The following BAG3 variants were observed in gnomAD, a reference collection of about 807,000 sequenced individuals.
BAG3 encodes BAG family molecular chaperone regulator 3.
Under a neutral mutation model 40.5 loss-of-function variants are expected in BAG3, and 14 were observed. The observed-to-expected ratio is 0.35, with a 90% confidence interval of 0.23 to 0.54. The LOEUF is 0.54. Among genes scored for constraint, BAG3 ranks in the 20% least tolerant of loss-of-function variants. The pLI is 0.91. For synonymous variants in BAG3, 302 were observed against 307.8 expected (o/e 0.98, Z 0.20); for missense variants, 788 against 758.6 (o/e 1.04, Z -0.46).
In BAG3 at chr10:119,672,749, C is replaced by T. The variant is rs940637608; in HGVS notation, c.909+93C>T. On this transcript the variant is annotated intron_variant, in intron 3 of 3. Coordinates refer to ENST00000369085, the MANE Select transcript of BAG3 (RefSeq NM_004281.4). This position sits in a 1 kb window ranked among gnomAD's most constrained non-coding sequence, Gnocchi z 4.8. ...GGTGCCCTGGGTTCCCCCTTCATCC[C>T]TGCCTATTTAACATGCGTGTACCTA... 4 of 1,560,312 alleles carry T rather than the reference C, an allele frequency of 2.6e-6. No individual in the cohort carries two copies. The African/African-American group carries it at 4.0e-5, about 16-fold the overall frequency.
intron 1 of BAG3, among the ~76,000 whole-genome samples, chr10:119,652,852 GAGTGTGT>G (rs1846862804): frequency 6.6e-6 from 1 of 152,214 alleles, no homozygotes; most frequent in South Asian, 2.1e-4. Flanking sequence ...AATTTGGAAT[GAGTGTGT>G]TAATTTTCAA....
At chr10:119,656,224 A>G (rs567017913) in intron 1 of BAG3, among the ~76,000 whole-genome samples, 19 of 152,142 alleles carry the variant, frequency 1.2e-4, no homozygotes, top group African/African-American at 4.6e-4. Context: ...GCTTATTAGG[A>G]TCTTTGAGAC....
chr10:119,676,102 A>AT (rs950103817), intron 3 of BAG3, among the ~76,000 whole-genome samples: 18 of 150,180 alleles, frequency 1.2e-4, no homozygotes, highest in African/African-American at 3.9e-4. Context: ...ATTTTTAAAG[A>AT]TTTTTTGTAG....
rs1589630230 is a variant in BAG3, at chr10:119,672,457, A to G, written c.710A>G (p.Gln237Arg). Reference protein sequence around the residue: ...QAQKTHYPAQQGEYQTHQPVY... With the variant: ...QAQKTHYPAQRGEYQTHQPVY... ...CAGAAGACGCACTACCCAGCGCAGCAGGGGGAGTACCAGACCCACCAGCCT... is the reference window on the plus strand; with the variant it reads ...CAGAAGACGCACTACCCAGCGCAGCGGGGGGAGTACCAGACCCACCAGCCT... The change falls in exon 3 of 4, where the codon CAG (glutamine) becomes CGG (arginine). Residue 237 changes from glutamine to arginine, a missense_variant. By Grantham distance (43) the Gln-to-Arg change is conservative. Coordinates refer to ENST00000369085, the MANE Select transcript of BAG3 (RefSeq NM_004281.4). This position sits in a 1 kb window ranked among gnomAD's most constrained non-coding sequence, Gnocchi z 4.8. 2 of 1,614,076 alleles carry G rather than the reference A, an allele frequency of 1.2e-6. No homozygotes were observed. The highest frequency in any genetic ancestry group is 1.3e-5 in the African/African-American group (1 of 74,928).
In BAG3 at chr10:119,677,720, G is replaced by A; in HGVS notation, c.*438G>A. 1 of 211,914 alleles carries A rather than the reference G, an allele frequency of 4.7e-6. No individual in the cohort carries two copies. Among genetic ancestry groups the A allele is most frequent in the South Asian group, 8.4e-5 (1 of 11,836 alleles). The allele number at this position is 211,914 out of a possible 1,614,324, so 13.1% of individuals were successfully genotyped here. ...CATAATTAAAATACCTGACTTTAGA[G>A]AGAGTAAAATGTGCCAGGAGCCATA... On this transcript the variant is annotated 3_prime_UTR_variant, in exon 4 of 4. Transcript: ENST00000369085.
At chr10:119,671,257 G>A (rs761007531) in intron 2 of BAG3, among the ~76,000 whole-genome samples, 11 of 152,090 alleles carry the variant, frequency 7.2e-5, no homozygotes, top group Admixed American at 2.6e-4. Context: ...GCAGTGAGCC[G>A]AGATCGCACC....
intron 1 of BAG3, among the ~76,000 whole-genome samples, chr10:119,663,837 C>T (rs1257940248): frequency 6.6e-6 from 1 of 152,134 alleles, no homozygotes; most frequent in Non-Finnish European, 1.5e-5. Context: ...TTTCTCACTG[C>T]GGACCTTTAG....
Position 119,676,443 on chromosome 10 carries a change from A to C in BAG3, c.910-21A>C, listed in dbSNP as rs196294. 0.71 allele frequency: 1,140,927 copies of C among 1,611,232 alleles called. 407,109 individuals carry two copies. The highest frequency in any genetic ancestry group is 0.75 in the Middle Eastern group (4,569 of 6,058). On this transcript the variant is annotated intron_variant, in intron 3 of 3. Coordinates refer to ENST00000369085, the MANE Select transcript of BAG3 (RefSeq NM_004281.4). ...ACTTTCAGTCAGTTATTAAAAATAT[A>C]TTTTTGTGTCCTTTTTTCAGCAGCC... is the stretch of plus-strand genomic sequence containing the variant.
At chr10:119,667,842 C>G (rs1015036305) in intron 1 of BAG3, among the ~76,000 whole-genome samples, 1 of 152,188 alleles carries the variant, frequency 6.6e-6, no homozygotes, top group Non-Finnish European at 1.5e-5. Flanking sequence ...CCTGGGCAGC[C>G]AGCAAAAATG....
intron 3 of BAG3, among the ~76,000 whole-genome samples, chr10:119,676,171 G>C (rs1278602983): frequency 6.6e-6 from 1 of 151,190 alleles, no homozygotes; most frequent in East Asian, 2.0e-4. Context: ...AATTTTATTG[G>C]GTTTCTTTTC....
chr10:119,665,372 C>T (rs1341359330), intron 1 of BAG3, among the ~76,000 whole-genome samples: 2 of 151,662 alleles, frequency 1.3e-5, no homozygotes, highest in Non-Finnish European at 2.9e-5. Context: ...CATCTCCTGA[C>T]CTCGTGATCC....
Position 119,651,652 on chromosome 10 carries a change from C to T in BAG3, c.-24C>T. 1.3e-6 allele frequency: 2 copies of T among 1,527,438 alleles called. No homozygotes were observed. The highest frequency in any genetic ancestry group is 1.8e-6 in the Non-Finnish European group (2 of 1,136,046). 94.6% of individuals were successfully genotyped at this position (1,527,438 alleles called of 1,614,324 possible). A position where few individuals can be genotyped will look rare whatever the true frequency, so the allele number is the denominator to read the frequency against. ...GGAGCCAGCGCCCCGCACCCGCGCCCCAGCGGGCAGACCCCAACCCAGCAT... is the reference window on the plus strand; with the variant it reads ...GGAGCCAGCGCCCCGCACCCGCGCCTCAGCGGGCAGACCCCAACCCAGCAT... On this transcript the variant is annotated 5_prime_UTR_variant, in exon 1 of 4. Coordinates refer to ENST00000369085, the MANE Select transcript of BAG3 (RefSeq NM_004281.4).
At chr10:119,652,021 C>T (rs982823685) in intron 1 of BAG3, among the ~76,000 whole-genome samples, 166 bp downstream of exon 1, 2 of 151,926 alleles carry the variant, frequency 1.3e-5, no homozygotes, top group Non-Finnish European at 2.9e-5. Flanking sequence ...CCCGCTGCGC[C>T]CGGACGAGTC....
At chr10:119,657,271 C>G (rs751644375) in intron 1 of BAG3, among the ~76,000 whole-genome samples, 1 of 152,204 alleles carries the variant, frequency 6.6e-6, no homozygotes, top group Non-Finnish European at 1.5e-5. Context: ...TGAGACTGTT[C>G]TCCACAAAGC....
intron 3 of BAG3, among the ~76,000 whole-genome samples, chr10:119,675,230 A>C (rs1847202727): frequency 6.6e-6 from 1 of 152,042 alleles, no homozygotes; most frequent in Non-Finnish European, 1.5e-5. Context: ...CTAATCATGA[A>C]GCTAAGGTGA....
rs192502283 is a variant in BAG3, at chr10:119,651,392, G to C, written c.-284G>C. The C allele has an allele frequency of 0.012, 3,755 of 313,120 alleles. 29 individuals carry two copies. The highest frequency in any genetic ancestry group is 0.03 in the Middle Eastern group (33 of 1,116). The allele number at this position is 313,120 out of a possible 1,614,324, so 19.4% of individuals were successfully genotyped here. ...AGGGCGGAGCTCCGCATCCAACCCCGGGCCGCGGCCAACTTCTCTGGACTG... is the reference window on the plus strand; with the variant it reads ...AGGGCGGAGCTCCGCATCCAACCCCCGGCCGCGGCCAACTTCTCTGGACTG... On this transcript the variant is annotated 5_prime_UTR_variant, in exon 1 of 4. Transcript: ENST00000369085.
Position 119,664,855 on chromosome 10 carries a change from T to G in BAG3, c.181-4996T>G, listed in dbSNP as rs1847037064. On this transcript the variant is annotated intron_variant, in intron 1 of 3. Transcript: ENST00000369085. ...TACAAAATATCTCTCTTTGCTAGATTGTGTTGAAAACACCATAGAAGAGAG... is the reference window on the plus strand; with the variant it reads ...TACAAAATATCTCTCTTTGCTAGATGGTGTTGAAAACACCATAGAAGAGAG... Among the ~76,000 whole-genome samples the G allele has an allele frequency of 2.0e-5, 3 of 152,276 alleles. No individual in the cohort carries two copies. In the South Asian group the frequency reaches 6.2e-4, roughly 32 times the overall value.
rs1847239230 is a variant in BAG3 at position 119,676,640 on chromosome 10, A to T, written c.1086A>T (p.Val362=). ...AGCCCCCACCTCCCTCTGAGAAGGT[A>T]GAGGTGAAAGTTCCCCCTGCTCCAG... is the stretch of plus-strand genomic sequence containing the variant. The part of the protein sequence containing the change: ...SQKPPPPSEK[V]EVKVPPAPVP... Residue 362 remains valine, a synonymous_variant, in exon 4 of 4, where the codon GTA becomes GTT. Transcript: ENST00000369085. 2 of 1,614,012 alleles carry T rather than the reference A, an allele frequency of 1.2e-6. No individual in the cohort carries two copies. Among genetic ancestry groups the T allele is most frequent in the African/African-American group, 2.7e-5 (2 of 74,906 alleles).
chr10:119,663,038 C>T (rs1247119938), intron 1 of BAG3, among the ~76,000 whole-genome samples: 1 of 152,102 alleles, frequency 6.6e-6, no homozygotes, highest in Non-Finnish European at 1.5e-5. Flanking sequence ...AAATAAAGAG[C>T]ACTGTACCAT....
Sources: allele counts gnomAD v4.1 joint callset (sites outside exome capture counted in the v4.1 genomes callset), GRCh38; gene constraint gnomAD v4.1.1; non-coding constraint Gnocchi (gnomAD v3.1); transcripts MANE v1.5; gene names NCBI Gene and HGNC (gene_info 2026-07-23, HGNC 2026-07-21).